IL17REL: variants seen among roughly 807,000 people sequenced by gnomAD.
IL17REL encodes the protein interleukin-17 receptor E-like protein.
IL17REL carries 36 observed loss-of-function variants against 49.0 expected under a neutral mutation model. The observed-to-expected ratio is 0.73, with a 90% CI of 0.56 to 0.97. The LOEUF (loss-of-function observed/expected upper bound fraction) is 0.97, where lower values mean the gene tolerates loss of function less well. Among genes scored for constraint, IL17REL ranks in the 50% least tolerant of loss-of-function variants. The pLI is 0.00. For missense variants in IL17REL, 470 were observed against 453.9 expected, an observed-to-expected ratio of 1.04 and a Z score of -0.32; for synonymous variants, 206 against 192.4, an observed-to-expected ratio of 1.07 and a Z score of -0.58.
At chr22:49,996,957 G>A (rs1409208164) in intron 12 of IL17REL, 37 bp downstream of exon 14, 2 of 1,097,018 alleles carry the variant, frequency 1.8e-6, no homozygotes, top group Admixed American at 2.8e-5. Context: ...TGCAGTGGAG[G>A]AGATGGCTAG....
At chr22:49,998,111 C>G in intron 8 of IL17REL, 26 bp downstream of exon 10, 1 of 1,594,014 alleles carries the variant, frequency 6.3e-7, no homozygotes, top group Non-Finnish European at 8.5e-7. Flanking sequence ...CATGCCCACC[C>G]CCATCCCTGC....
At chr22:49,997,235 G>C in intron 11 of IL17REL, 85 bp downstream of exon 13, 2 of 1,471,864 alleles carry the variant, frequency 1.4e-6, no homozygotes, top group South Asian at 1.2e-5. Context: ...GCCCGGGTGG[G>C]GCAGAGACCA....
upstream of IL17REL, among the ~76,000 whole-genome samples, chr22:50,010,721 C>CG (rs932494036): frequency 6.6e-6 from 1 of 151,940 alleles, no homozygotes; most frequent in South Asian, 2.1e-4. Flanking sequence ...AAGCCGCTGT[C>CG]GGGGGCGCGG....
At chr22:50,006,724 C>A (rs1266841772) in intron 1 of IL17REL, among the ~76,000 whole-genome samples, 1 of 151,990 alleles carries the variant, frequency 6.6e-6, no homozygotes, top group East Asian at 1.9e-4. Context: ...GAGGCCGAGG[C>A]GGGCGGATCA....
intron 7 of IL17REL, among the ~76,000 whole-genome samples, chr22:49,998,511 C>A (rs542183473): frequency 6.9e-6 from 1 of 144,760 alleles, no homozygotes; most frequent in African/African-American, 2.6e-5. Context: ...TGGGTGCGTG[C>A]GCCTATGTGT....
chr22:50,011,375 T>C (rs137867), upstream of IL17REL, among the ~76,000 whole-genome samples: 85,642 of 151,666 alleles, frequency 0.56, 25,227 homozygotes, highest in South Asian at 0.8. Context: ...CTGGCCGTCC[T>C]AGCGTGGACA....
intron 1 of IL17REL, among the ~76,000 whole-genome samples, chr22:50,007,931 A>C (rs754628814): frequency 2.6e-5 from 4 of 152,040 alleles, no homozygotes; most frequent in Non-Finnish European, 5.9e-5. Flanking sequence ...ATATCTGTAT[A>C]TTTGGCTACA....
exon 10 of IL17REL, chr22:49,997,699 T>C (rs769882601): frequency 1.2e-6 from 2 of 1,613,886 alleles, no homozygotes; most frequent in South Asian, 2.2e-5. Flanking sequence ...GAAGCGACGC[T>C]GTTCGAAAGG....
At chr22:50,011,375 T>G (rs137867), upstream of IL17REL, among the ~76,000 whole-genome samples, 32,049 of 151,670 alleles carry the variant, frequency 0.21, 3,646 homozygotes, top group Non-Finnish European at 0.25. Flanking sequence ...CTGGCCGTCC[T>G]AGCGTGGACA....
Position 50,000,468 on chromosome 22 carries a change from G to A in IL17REL, c.334+10C>T. The A allele has an allele frequency of 6.2e-7, 1 of 1,601,626 alleles. No homozygotes were observed. The highest frequency in any genetic ancestry group is 8.6e-7 in the Non-Finnish European group (1 of 1,169,342). ...CGGTAGCTGTGCTCAGGGGGCCCTG[G>A]GGACCCTACCTTCCACGAGGTGCCT... On this transcript the variant is annotated intron_variant, in intron 4 of 12. Coordinates refer to ENST00000341280, the Ensembl canonical transcript of IL17REL.
chr22:50,000,926 GC>G, intron 2 of IL17REL, 63 bp from the exon 4 acceptor site: 2 of 1,358,358 alleles, frequency 1.5e-6, no homozygotes, highest in Non-Finnish European at 2.0e-6. Context: ...TCCGGACGGG[GC>G]CGTGGGACCC....
chr22:49,997,170 G>A lies in IL17REL; in HGVS notation c.975-96C>T, dbSNP rs188202550. ...ACATCCTCTCAGCACCCACAAAGCAGGGCTGGCCTCCCATCCCTCCCTGCC... is the reference window on the plus strand; with the variant it reads ...ACATCCTCTCAGCACCCACAAAGCAAGGCTGGCCTCCCATCCCTCCCTGCC... On this transcript the variant is annotated intron_variant, in intron 11 of 12. Coordinates refer to ENST00000341280, the Ensembl canonical transcript of IL17REL. 4.9e-6 allele frequency: 7 copies of A among 1,420,868 alleles called. No homozygotes were observed. In the African/African-American group the frequency reaches 5.7e-5, roughly 12 times the overall value. The allele number at this position is 1,420,868 out of a possible 1,614,324, so 88.0% of individuals were successfully genotyped here.
chr22:49,999,939 C>G (rs2061068037), exon 5 of IL17REL: 2 of 1,529,052 alleles, frequency 1.3e-6, no homozygotes, highest in Non-Finnish European at 1.8e-6. Context: ...CCTTGCGCCT[C>G]CGGTCCACCC....
chr22:50,002,558 G>C (rs1454334839), intron 1 of IL17REL, among the ~76,000 whole-genome samples: 1 of 147,012 alleles, frequency 6.8e-6, no homozygotes, highest in Non-Finnish European at 1.5e-5. Context: ...ATAGTGGAGT[G>C]ATCTCAGGTC....
chr22:50,004,884 A>T (rs2061100286), intron 1 of IL17REL, among the ~76,000 whole-genome samples: 1 of 151,630 alleles, frequency 6.6e-6, no homozygotes, highest in African/African-American at 2.4e-5. Context: ...TTATGCAAGA[A>T]ATGAGAAATC....
intron 2 of IL17REL, 68 bp downstream of exon 3, chr22:50,001,014 A>G (rs1198261013): frequency 7.4e-6 from 10 of 1,349,776 alleles, no homozygotes; most frequent in Non-Finnish European, 1.0e-5. Context: ...TTTGATGGGA[A>G]TAAAAGGCAC....
intron 1 of IL17REL, among the ~76,000 whole-genome samples, chr22:50,005,378 G>T (rs2061103540): frequency 6.6e-6 from 1 of 152,136 alleles, no homozygotes; most frequent in Non-Finnish European, 1.5e-5. Context: ...GGAAGGAGAA[G>T]GGAGCTCAAC....
chr22:49,999,200 A>G (rs2061058210), intron 7 of IL17REL, 91 bp downstream of exon 9: 1 of 1,481,116 alleles, frequency 6.8e-7, no homozygotes. Context: ...CCTGCTCCTT[A>G]TCTCATCCCC....
chr22:50,009,423 GCCCGGCAC>G (rs1305567501), upstream of IL17REL, among the ~76,000 whole-genome samples: 5 of 152,162 alleles, frequency 3.3e-5, no homozygotes, highest in Non-Finnish European at 5.9e-5. Flanking sequence ...GGCAGAAGGC[GCCCGGCAC>G]CCCGGCACCA....
Sources: gnomAD v4.1 joint callset for allele counts (sites outside exome capture counted in the v4.1 genomes callset) on GRCh38, gnomAD v4.1.1 for gene constraint, MANE v1.5 for transcripts, NCBI Gene and HGNC (gene_info 2026-07-23, HGNC 2026-07-21) for gene names.